KCNIP4: variants seen among roughly 807,000 people sequenced by gnomAD.
KCNIP4 encodes Kv channel-interacting protein 4.
Under a neutral mutation model 34.0 loss-of-function variants are expected in KCNIP4, and 12 were observed. The observed-to-expected ratio is 0.35, with a 90% CI of 0.23 to 0.57. KCNIP4 has a LOEUF of 0.57. Among genes scored for constraint, KCNIP4 ranks in the 20% least tolerant of loss-of-function variants. The pLI is 0.83. For missense variants in KCNIP4, 238 were observed against 311.7 expected (o/e 0.76, Z 1.78); for synonymous variants, 124 against 102.2 (o/e 1.21, Z -1.29).
intron 1 of KCNIP4, among the ~76,000 whole-genome samples, chr4:21,561,939 T>C (rs1739513301): frequency 6.6e-6 from 1 of 151,950 alleles, no homozygotes; most frequent in African/African-American, 2.4e-5. Flanking sequence ...CAGATCTGGT[T>C]AATGAAAACA....
chr4:21,284,839 G>A (rs533633942), intron 1 of KCNIP4, among the ~76,000 whole-genome samples: 1 of 152,070 alleles, frequency 6.6e-6, no homozygotes, highest in South Asian at 2.1e-4. Context: ...AGCACTTGGG[G>A]GTGCCCACTT....
intron 1 of KCNIP4, among the ~76,000 whole-genome samples, chr4:21,081,957 A>C (rs772981658): frequency 6.6e-6 from 1 of 151,836 alleles, no homozygotes. Flanking sequence ...CAATAATGAG[A>C]TAAATCTTCA....
At chr4:21,915,121 C>G (rs888034387) in intron 1 of KCNIP4, among the ~76,000 whole-genome samples, 3 of 152,070 alleles carry the variant, frequency 2.0e-5, no homozygotes, top group Admixed American at 6.6e-5. Flanking sequence ...CTTTGCAAGC[C>G]GTAAGGACAC....
At chr4:20,833,853 T>G (rs1718726639) in intron 3 of KCNIP4, among the ~76,000 whole-genome samples, 1 of 152,198 alleles carries the variant, frequency 6.6e-6, no homozygotes, top group Non-Finnish European at 1.5e-5. Context: ...GTGTTTATTT[T>G]ATAAATAGTT....
At position 21,275,649 on chromosome 4, in the gene KCNIP4, A is replaced by G. The variant is rs1357384116; in HGVS notation, c.62-392940T>C. On this transcript the variant is annotated intron_variant, in intron 1 of 8. Transcript: ENST00000382152. The stretch of plus-strand genomic sequence containing the variant: ...ACTCTGAGCAAGGAAATCTAGCATA[A>G]CAATAAATAGTAGATGGCTGGGACA... 4.7e-3 allele frequency among the ~76,000 whole-genome samples: 711 copies of G among 152,332 alleles called. 4 individuals are homozygous for G. Among genetic ancestry groups the G allele is most frequent in the Middle Eastern group, 0.024 (7 of 294 alleles).
chr4:21,555,842 A>C (rs925381976), intron 1 of KCNIP4, among the ~76,000 whole-genome samples: 1 of 152,060 alleles, frequency 6.6e-6, no homozygotes, highest in Non-Finnish European at 1.5e-5. Context: ...GTCATTCTAC[A>C]TTGGTTGTCA....
intron 3 of KCNIP4, among the ~76,000 whole-genome samples, chr4:20,799,808 C>A (rs1560473452): frequency 6.6e-6 from 1 of 152,188 alleles, no homozygotes; most frequent in Non-Finnish European, 1.5e-5. Flanking sequence ...TGTAGCTGTG[C>A]ACTGTTCCGT....
At chr4:20,816,440 A>T (rs2149439488) in intron 3 of KCNIP4, among the ~76,000 whole-genome samples, 1 of 152,264 alleles carries the variant, frequency 6.6e-6, no homozygotes, top group Non-Finnish European at 1.5e-5. Context: ...AAAGCAAGCT[A>T]CGTAGGGCGC....
rs1036643116 is a variant in KCNIP4, at chr4:21,892,900, A to C, written c.61+55671T>G. Among the ~76,000 whole-genome samples the C allele has an allele frequency of 3.3e-5, 5 of 152,174 alleles. No homozygotes were observed. In the South Asian group the frequency reaches 1.0e-3, roughly 32 times the overall value. The stretch of plus-strand genomic sequence containing the variant: ...TCTGGAAAGAAGCCAGTGCATCTCT[A>C]TTTTCAGCAGTTCCACAGGCGATAT... On this transcript the variant is annotated intron_variant, in intron 1 of 8. Coordinates refer to ENST00000382152, the MANE Select transcript of KCNIP4 (RefSeq NM_025221.6).
intron 1 of KCNIP4, among the ~76,000 whole-genome samples, chr4:21,882,515 G>A (rs562139804): frequency 3.3e-5 from 5 of 152,252 alleles, no homozygotes; most frequent in Admixed American, 3.3e-4. Context: ...TCAAGGAAAA[G>A]AAAAGGAGAA....
At chr4:21,836,587 T>G (rs1347420760) in intron 1 of KCNIP4, among the ~76,000 whole-genome samples, 1 of 152,206 alleles carries the variant, frequency 6.6e-6, no homozygotes, top group Non-Finnish European at 1.5e-5. Flanking sequence ...ACTAGTTCTC[T>G]AATATGTTGA....
chr4:21,145,347 G>A (rs2109225074), intron 1 of KCNIP4, among the ~76,000 whole-genome samples: 1 of 152,280 alleles, frequency 6.6e-6, no homozygotes, highest in Middle Eastern at 3.4e-3. Context: ...GGTGGGGAGA[G>A]GTTACGAACC....
intron 1 of KCNIP4, among the ~76,000 whole-genome samples, chr4:21,809,179 A>T (rs1339350944): frequency 6.6e-6 from 1 of 152,140 alleles, no homozygotes; most frequent in Non-Finnish European, 1.5e-5. Context: ...AGATTCACCA[A>T]TGTGGGTAGG....
intron 1 of KCNIP4, among the ~76,000 whole-genome samples, chr4:21,366,774 C>G (rs887074262): frequency 4.0e-5 from 6 of 151,796 alleles, no homozygotes; most frequent in African/African-American, 1.2e-4. Flanking sequence ...AATAGAGAAA[C>G]AGAGACAGGG....
rs1055752315 is a variant in KCNIP4, at chr4:21,210,856, T to C, written c.62-328147A>G. ...TGAGAGTTATGGACAGAAACCACCATATGTAAAATGCAAAAAAAGATTAAA... is the reference window on the plus strand; with the variant it reads ...TGAGAGTTATGGACAGAAACCACCACATGTAAAATGCAAAAAAAGATTAAA... On this transcript the variant is annotated intron_variant, in intron 1 of 8. Transcript: ENST00000382152. Among the ~76,000 whole-genome samples the C allele has an allele frequency of 2.6e-5, 4 of 152,156 alleles. 1 individual carries two copies. The highest frequency in any genetic ancestry group is 2.9e-5 in the Non-Finnish European group (2 of 68,018).
intron 1 of KCNIP4, among the ~76,000 whole-genome samples, chr4:21,720,868 A>AT (rs1185729549): frequency 6.6e-6 from 1 of 152,058 alleles, no homozygotes; most frequent in African/African-American, 2.4e-5. Context: ...TTATGGCTGC[A>AT]TAGTATTCCA....
At chr4:21,009,800 T>C (rs1337136738) in intron 1 of KCNIP4, among the ~76,000 whole-genome samples, 1 of 152,256 alleles carries the variant, frequency 6.6e-6, no homozygotes, top group East Asian at 1.9e-4. Context: ...GCACGCATTC[T>C]GAAAAGACGT....
intron 8 of KCNIP4, chr4:20,731,455 G>T: frequency 1.0e-6 from 1 of 985,208 alleles, no homozygotes; most frequent in Non-Finnish European, 1.2e-6. Context: ...TTTGATAACA[G>T]GCTACTACCT....
chr4:21,616,839 TAATTAATGAATTAGCTA>T lies in KCNIP4; in HGVS notation c.61+331715_61+331731del, dbSNP rs2109163389. ...GCCTCATCTTAATACGTGTTACATCTAATTAATGAATTAGCTAATTGATGACCTTATTTATAAATAAG... is the reference window on the plus strand; with the variant it reads ...GCCTCATCTTAATACGTGTTACATCTATTGATGACCTTATTTATAAATAAG... On this transcript the variant is annotated intron_variant, in intron 1 of 8. Transcript: ENST00000382152. Among the ~76,000 whole-genome samples the T allele has an allele frequency of 1.3e-5, 2 of 152,340 alleles. 1 individual carries two copies. Among genetic ancestry groups the T allele is most frequent in the South Asian group, 4.1e-4 (2 of 4,830 alleles).
Sources: gnomAD v4.1 joint callset for allele counts (sites outside exome capture counted in the v4.1 genomes callset) on GRCh38, gnomAD v4.1.1 for gene constraint, MANE v1.5 for transcripts, NCBI Gene and HGNC (gene_info 2026-07-23, HGNC 2026-07-21) for gene names.